The following PTPRT variants were observed in gnomAD, a reference collection of about 807,000 sequenced individuals.
PTPRT encodes receptor-type tyrosine-protein phosphatase T.
PTPRT carries 56 observed loss-of-function variants against 176.8 expected under a neutral mutation model. The ratio of observed to expected loss-of-function variants is 0.32; its 90% CI spans 0.26 to 0.40. PTPRT has a LOEUF of 0.40. Ranked by LOEUF, PTPRT falls within the 10% of genes least tolerant of loss-of-function variation. The pLI is 1.00. For missense variants in PTPRT, 1,540 were observed against 1,908.2 expected (o/e 0.81, Z 3.60); for synonymous variants, 783 against 739.0 (o/e 1.06, Z -0.96).
At chr20:43,078,854 A>G (rs1474881708) in intron 1 of PTPRT, among the ~76,000 whole-genome samples, 2 of 152,212 alleles carry the variant, frequency 1.3e-5, no homozygotes, top group Non-Finnish European at 2.9e-5. Flanking sequence ...ATCAGGAAAT[A>G]AACTCTGCTT....
At chr20:42,775,625 T>TC (rs145203435) in intron 4 of PTPRT, among the ~76,000 whole-genome samples, 46,254 of 152,040 alleles carry the variant, frequency 0.3, 8,913 homozygotes, top group Non-Finnish European at 0.44. Flanking sequence ...GAAAATAATT[T>TC]CTTTGAGTAT....
At chr20:42,730,323 G>A (rs1379665199) in intron 6 of PTPRT, among the ~76,000 whole-genome samples, 1 of 152,144 alleles carries the variant, frequency 6.6e-6, no homozygotes, top group Non-Finnish European at 1.5e-5. Flanking sequence ...AGTAGGAAGT[G>A]AATTGAATAG....
chr20:42,527,632 C>A (rs1329822344), intron 7 of PTPRT, among the ~76,000 whole-genome samples: 4 of 152,222 alleles, frequency 2.6e-5, no homozygotes, highest in Admixed American at 1.3e-4. Context: ...TTTGCTATCT[C>A]AAAATCAGAA....
intron 7 of PTPRT, among the ~76,000 whole-genome samples, chr20:42,575,059 T>C (rs762221411): frequency 2.0e-5 from 3 of 152,158 alleles, no homozygotes; most frequent in Non-Finnish European, 4.4e-5. Context: ...AGTATGTTTA[T>C]AGTAGCGTGA....
At chr20:42,493,207 G>T (rs2071593272) in intron 7 of PTPRT, among the ~76,000 whole-genome samples, 1 of 152,166 alleles carries the variant, frequency 6.6e-6, no homozygotes, top group Admixed American at 6.5e-5. Flanking sequence ...AGGAATCCAA[G>T]AGTCTAGAAG....
chr20:42,035,977 A>G, the PTPRT span, among the ~76,000 whole-genome samples: 1 of 152,162 alleles, frequency 6.6e-6, no homozygotes, highest in Admixed American at 6.5e-5. Context: ...TCTTTGGGAG[A>G]AGATAACAGG....
chr20:42,742,520 T>C (rs2076626581), intron 6 of PTPRT, among the ~76,000 whole-genome samples: 1 of 152,080 alleles, frequency 6.6e-6, no homozygotes. Context: ...ACTTAATATG[T>C]GGTCTCAAAT....
intron 1 of PTPRT, 128 bp from the exon 2 acceptor site, chr20:42,886,060 T>C: frequency 2.7e-6 from 1 of 368,024 alleles, no homozygotes; most frequent in Non-Finnish European, 4.0e-6. Context: ...CATATATATA[T>C]ATATATATAT....
At chr20:42,136,232 CTTTTTTT>C (rs397864699) in intron 18 of PTPRT, among the ~76,000 whole-genome samples, 5 of 63,036 alleles carry the variant, frequency 7.9e-5, no homozygotes, top group Admixed American at 2.5e-4. Context: ...AAGAACAGTG[CTTTTTTT>C]TTTTTTTTTT....
At chr20:42,197,178 G>C (rs1991255427) in intron 16 of PTPRT, among the ~76,000 whole-genome samples, 1 of 151,946 alleles carries the variant, frequency 6.6e-6, no homozygotes, top group African/African-American at 2.4e-5. Flanking sequence ...AGGAGATCGA[G>C]ACCATCCTGG....
At chr20:42,424,244 A>G (rs1366811128) in intron 9 of PTPRT, among the ~76,000 whole-genome samples, 1 of 152,174 alleles carries the variant, frequency 6.6e-6, no homozygotes, top group Non-Finnish European at 1.5e-5. Flanking sequence ...TTTTGTCCCC[A>G]GCTGAAATCC....
At chr20:42,411,517 C>CAAAAAA (rs10591184) in intron 9 of PTPRT, among the ~76,000 whole-genome samples, 5 of 88,292 alleles carry the variant, frequency 5.7e-5, no homozygotes, top group East Asian at 3.6e-4. Context: ...AACCCTGTCT[C>CAAAAAA]AAAAAAAAAA....
At chr20:42,376,103 T>C (rs1307960656) in intron 9 of PTPRT, among the ~76,000 whole-genome samples, 1 of 152,142 alleles carries the variant, frequency 6.6e-6, no homozygotes, top group Non-Finnish European at 1.5e-5. Context: ...TGGGGAAAAT[T>C]GCATCCCCAA....
At chr20:42,529,030 G>A (rs574930620) in intron 7 of PTPRT, among the ~76,000 whole-genome samples, 4 of 152,238 alleles carry the variant, frequency 2.6e-5, no homozygotes, top group African/African-American at 4.8e-5. Context: ...TGCTTCCTGC[G>A]AGAACTAGCT....
chr20:42,076,002 C>A lies in PTPRT; in HGVS notation c.*4877G>T, dbSNP rs975140809. On this transcript the variant is annotated 3_prime_UTR_variant, in exon 31 of 31. Transcript: ENST00000373187. The stretch of plus-strand genomic sequence containing the variant: ...TATTCACTGGGTTCCAGTTTCCTGG[C>A]CTTGCGTTCCTGTTTTCCTGCCTAA... 5 of 223,590 alleles carry A rather than the reference C, an allele frequency of 2.2e-5. No homozygotes were observed. The highest frequency in any genetic ancestry group is 4.5e-5 in the Non-Finnish European group (5 of 111,996). 13.9% of individuals were successfully genotyped at this position (223,590 alleles called of 1,614,324 possible).
Position 42,115,302 on chromosome 20 carries a change from C to T in PTPRT, c.2996G>A (p.Arg999Gln), listed in dbSNP as rs868489194. 11 of 1,613,696 alleles carry T rather than the reference C, an allele frequency of 6.8e-6. No individual in the cohort carries two copies. The highest frequency in any genetic ancestry group is 2.2e-5 in the East Asian group (1 of 44,884). ...GACCTCCGTGTCATCTGGCCAGTAT[C>T]GCACACATTTCACCTGTGGCCAAGT... ...LVEVGRVKCV[R>Q]YWPDDTEVYG... Residue 999 changes from arginine to glutamine, a missense_variant, in exon 22 of 31, where the codon CGA becomes CAA. Physicochemically the swap from Arg to Gln is conservative, Grantham distance 43. Coordinates refer to ENST00000373187, the MANE Select transcript of PTPRT (RefSeq NM_007050.6).
chr20:42,922,571 G>T (rs1285961395), intron 1 of PTPRT, among the ~76,000 whole-genome samples: 2 of 152,116 alleles, frequency 1.3e-5, no homozygotes, highest in African/African-American at 4.8e-5. Context: ...TCCCTTGCTT[G>T]GTGCCTCAGC....
intron 7 of PTPRT, among the ~76,000 whole-genome samples, chr20:42,515,997 C>T (rs1340810700): frequency 1.4e-5 from 2 of 147,852 alleles, no homozygotes; most frequent in African/African-American, 5.0e-5. Context: ...AGTAAACTAT[C>T]ACAAGAACAA....
intron 1 of PTPRT, among the ~76,000 whole-genome samples, chr20:42,966,830 A>T (rs569175529): frequency 1.3e-5 from 2 of 152,264 alleles, no homozygotes; most frequent in Non-Finnish European, 2.9e-5. Flanking sequence ...TTTCTTCAGA[A>T]AATACATTTT....
Sources: gnomAD v4.1 joint callset for allele counts (sites outside exome capture counted in the v4.1 genomes callset) on GRCh38, gnomAD v4.1.1 for gene constraint, MANE v1.5 for transcripts, NCBI Gene and HGNC (gene_info 2026-07-23, HGNC 2026-07-21) for gene names.